Variants in MEGF6 observed in about 807,000 individuals in gnomAD.
The protein encoded by MEGF6 is multiple epidermal growth factor-like domains protein 6.
Under a neutral mutation model 207.1 loss-of-function variants are expected in MEGF6, and 184 were observed. That is an observed-to-expected ratio of 0.89 (90% CI 0.79 to 1.00). MEGF6 has a LOEUF of 1.00. MEGF6 is among the 50% of genes least tolerant of loss of function. MEGF6 has a pLI of 0.00. For missense variants in MEGF6, 2,282 were observed against 2,202.9 expected (o/e 1.04, Z -0.72); for synonymous variants, 1,038 against 910.0 (o/e 1.14, Z -2.53).
In MEGF6 at chr1:3,509,069, G is replaced by T; in HGVS notation, c.1528+6C>A. On this transcript the variant is annotated splice_donor_region_variant and intron_variant, in intron 12 of 36. Coordinates refer to ENST00000356575, the MANE Select transcript of MEGF6 (RefSeq NM_001409.4). ...AGGAGCCCCCGGGGGCTGGGCCCGC[G>T]CTCACCAAACTTCTCTGTGAGCGTG... is the stretch of plus-strand genomic sequence containing the variant. 1 of 1,575,940 alleles carries T rather than the reference G, an allele frequency of 6.3e-7. No homozygotes were observed. The highest frequency in any genetic ancestry group is 8.6e-7 in the Non-Finnish European group (1 of 1,162,606).
intron 4 of MEGF6, among the ~76,000 whole-genome samples, chr1:3,527,612 C>T (rs555767709): frequency 1.3e-5 from 2 of 152,322 alleles, no homozygotes; most frequent in East Asian, 3.9e-4. Context: ...AAAGGGTTAA[C>T]GGGCCCCCAA....
chr1:3,495,768 G>C, intron 30 of MEGF6, 122 bp downstream of exon 30: 1 of 1,256,630 alleles, frequency 8.0e-7, no homozygotes, highest in Non-Finnish European at 1.1e-6. Context: ...CAAGTGGGGA[G>C]CTGGTGGCAG....
In MEGF6 at chr1:3,499,825, G is replaced by T; in HGVS notation, c.2807C>A (p.Ala936Asp). 1 of 1,553,760 alleles carries T rather than the reference G, an allele frequency of 6.4e-7. No individual in the cohort carries two copies. Among genetic ancestry groups the T allele is most frequent in the Non-Finnish European group, 8.7e-7 (1 of 1,149,470 alleles). The change falls in exon 22 of 37, where the codon GCC (alanine) becomes GAC (aspartate). Residue 936 changes from alanine (A) to aspartate (D), a missense_variant. By Grantham distance (126) the Ala-to-Asp change is moderately radical. Coordinates refer to ENST00000356575, the MANE Select transcript of MEGF6 (RefSeq NM_001409.4). ...DHVSGACTCP[A>D]GWRGTFCEHA... ...CTCGCAGAAGGTGCCCCTCCAGCCG[G>T]CCGGGCAGGTGCAGGCCCCGCTGAC...
At chr1:3,584,616 T>C (rs2995008) in intron 3 of MEGF6, among the ~76,000 whole-genome samples, 94,827 of 152,140 alleles carry the variant, frequency 0.62, 31,602 homozygotes, top group Non-Finnish European at 0.75. Flanking sequence ...ATGGCCTGTG[T>C]TCCCCCACAC....
chr1:3,524,555 C>A (rs575822564), intron 4 of MEGF6, among the ~76,000 whole-genome samples: 1 of 152,202 alleles, frequency 6.6e-6, no homozygotes, highest in Non-Finnish European at 1.5e-5. Flanking sequence ...GGAGCGCACG[C>A]GGTTTTCTTA....
chr1:3,535,021 T>C (rs1212540760), intron 4 of MEGF6, among the ~76,000 whole-genome samples: 1 of 152,320 alleles, frequency 6.6e-6, no homozygotes, highest in South Asian at 2.1e-4. Context: ...AGGCAGCTCC[T>C]GGCCCACTGA....
At chr1:3,598,382 G>A (rs1202124783) in intron 2 of MEGF6, among the ~76,000 whole-genome samples, 1 of 152,256 alleles carries the variant, frequency 6.6e-6, no homozygotes, top group East Asian at 1.9e-4. Context: ...CGCTCTGGGA[G>A]CGCCTTGCAA....
At chr1:3,506,840 A>G (rs1223316837) in intron 14 of MEGF6, among the ~76,000 whole-genome samples, 1 of 152,196 alleles carries the variant, frequency 6.6e-6, no homozygotes, top group African/African-American at 2.4e-5. Context: ...TAGTAGCCCT[A>G]CATTATCCAG....
intron 12 of MEGF6, 87 bp from the exon 13 acceptor site, chr1:3,508,776 G>A (rs1641215671): frequency 1.3e-6 from 2 of 1,529,850 alleles, no homozygotes; most frequent in East Asian, 2.3e-5. Flanking sequence ...TCAGGCCAGG[G>A]AAGGGGCATA....
At chr1:3,525,223 T>A (rs1159546176) in intron 4 of MEGF6, among the ~76,000 whole-genome samples, 1 of 152,118 alleles carries the variant, frequency 6.6e-6, no homozygotes, top group Non-Finnish European at 1.5e-5. Context: ...CCACCCGCCA[T>A]CCCAGAGCAG....
At chr1:3,526,334 G>A (rs1189336630) in intron 4 of MEGF6, among the ~76,000 whole-genome samples, 1 of 152,144 alleles carries the variant, frequency 6.6e-6, no homozygotes, top group Non-Finnish European at 1.5e-5. Context: ...CCCAGGCCAG[G>A]GCAGACATGG....
chr1:3,542,681 G>C (rs1642568785), intron 4 of MEGF6, among the ~76,000 whole-genome samples: 2 of 152,208 alleles, frequency 1.3e-5, no homozygotes, highest in African/African-American at 4.8e-5. Context: ...ATTGCTGTAA[G>C]GGCTGAGAGC....
intron 4 of MEGF6, among the ~76,000 whole-genome samples, chr1:3,555,806 A>G (rs1643016391): frequency 6.6e-6 from 1 of 152,228 alleles, no homozygotes; most frequent in Non-Finnish European, 1.5e-5. Context: ...ATCCAAAGGC[A>G]GGACTTGCCC....
intron 5 of MEGF6, among the ~76,000 whole-genome samples, chr1:3,519,572 G>T (rs1641669441): frequency 6.6e-6 from 1 of 152,236 alleles, no homozygotes. Flanking sequence ...TCTCCAGAGC[G>T]TTTAGGAAGG....
At chr1:3,580,157 G>T (rs1643757869) in intron 3 of MEGF6, among the ~76,000 whole-genome samples, 1 of 151,994 alleles carries the variant, frequency 6.6e-6, no homozygotes, top group African/African-American at 2.4e-5. Context: ...CCTCTGGAGG[G>T]CAGTAAAGCC....
chr1:3,517,009 C>T (rs867233557), intron 5 of MEGF6, among the ~76,000 whole-genome samples: 2 of 152,226 alleles, frequency 1.3e-5, no homozygotes, highest in African/African-American at 2.4e-5. Flanking sequence ...CCCCCAGGCC[C>T]GGCCTGCCTC....
rs186821265 is a variant in MEGF6 at position 3,526,595 on chromosome 1, C to T, written c.482-2349G>A. Among the ~76,000 whole-genome samples the T allele has an allele frequency of 8.7e-4, 132 of 152,238 alleles. 2 individuals are homozygous for T. The highest frequency in any genetic ancestry group is 2.8e-3 in the African/African-American group (117 of 41,546). On this transcript the variant is annotated intron_variant, in intron 4 of 36. Coordinates refer to ENST00000356575, the MANE Select transcript of MEGF6 (RefSeq NM_001409.4). ...TGTATTTTTAATAGAGACAGGGTTT[C>T]GCCATGTTGGCCAGGCTGGTCTCCA...
intron 23 of MEGF6, 48 bp downstream of exon 23, chr1:3,499,540 T>C (rs2100909573): frequency 6.5e-7 from 1 of 1,547,150 alleles, no homozygotes; most frequent in Non-Finnish European, 8.7e-7. Flanking sequence ...ACGGAGGACC[T>C]GGCACCCCCT....
intron 4 of MEGF6, among the ~76,000 whole-genome samples, chr1:3,532,353 C>G (rs556708014): frequency 6.6e-6 from 1 of 152,222 alleles, no homozygotes; most frequent in Admixed American, 6.5e-5. Flanking sequence ...TATCCTTGGT[C>G]GGGGGTCACT....
Sources: allele counts gnomAD v4.1 joint callset (sites outside exome capture counted in the v4.1 genomes callset), GRCh38; gene constraint gnomAD v4.1.1; transcripts MANE v1.5; gene names NCBI Gene and HGNC (gene_info 2026-07-23, HGNC 2026-07-21).